Variants in NOL10 observed in about 807,000 individuals in gnomAD.
NOL10 encodes nucleolar protein 10, also known as H_NH0074G24.1.
A neutral mutation model predicts 103.5 loss-of-function variants in NOL10; 58 were observed. The observed-to-expected ratio is 0.56, with a 90% CI of 0.45 to 0.70. The LOEUF is 0.70. NOL10 is among the 30% of genes least tolerant of loss of function. The probability of loss-of-function intolerance (pLI) is 0.00; values close to 1 mark genes in which losing one functional copy is unlikely to be tolerated. For synonymous variants in NOL10, 287 were observed against 282.5 expected (o/e 1.02, Z -0.16); for missense variants, 763 against 807.3 (o/e 0.95, Z 0.67).
At chr2:10,615,949 A>G (rs535997093) in intron 13 of NOL10, among the ~76,000 whole-genome samples, 1 of 152,274 alleles carries the variant, frequency 6.6e-6, no homozygotes, top group Non-Finnish European at 1.5e-5. Flanking sequence ...CTGTGGGGCT[A>G]AAGTCAGGAC....
In NOL10 at chr2:10,587,098, C is replaced by CATATATACATATATAT. The variant is rs1450691017; in HGVS notation, c.1844+1944_1844+1945insATATATATGTATATAT. On this transcript the variant is annotated intron_variant, in intron 19 of 20. Transcript: ENST00000381685. ...ATATACATATATATACATATATATA[C>CATATATACATATATAT]ACATATATATACATATATATACATA... Among the ~76,000 whole-genome samples, 74 of 44,082 alleles carry CATATATACATATATAT rather than the reference C, an allele frequency of 1.7e-3. 20 individuals are homozygous for CATATATACATATATAT. Among genetic ancestry groups the CATATATACATATATAT allele is most frequent in the Non-Finnish European group, 2.2e-3 (59 of 26,814 alleles). 28.9% of individuals were successfully genotyped at this position (44,082 alleles called of 152,430 possible). A position where few individuals can be genotyped will look rare whatever the true frequency, so the allele number is the denominator to read the frequency against.
In NOL10 at chr2:10,689,901, A is replaced by C. The variant is rs1412181098; in HGVS notation, c.-40T>G. On this transcript the variant is annotated 5_prime_UTR_variant, in exon 1 of 21. Coordinates refer to ENST00000381685, the MANE Select transcript of NOL10 (RefSeq NM_024894.4). Reference sequence around the variant, plus strand: ...CTGTTCAAGTCCCGGGTCCTTTCCCACCAGCGTGCTCGAGCACCGTAATCC... The same window carrying C: ...CTGTTCAAGTCCCGGGTCCTTTCCCCCCAGCGTGCTCGAGCACCGTAATCC... 1 of 1,572,262 alleles carries C rather than the reference A, an allele frequency of 6.4e-7. No individual in the cohort carries two copies. The highest frequency in any genetic ancestry group is 1.8e-5 in the Admixed American group (1 of 54,246).
chr2:10,618,220 T>G (rs571739527), intron 13 of NOL10, among the ~76,000 whole-genome samples: 62 of 138,218 alleles, frequency 4.5e-4, no homozygotes, highest in African/African-American at 1.7e-3. Context: ...GGTATGTGTA[T>G]TATGTCTTTA....
intron 20 of NOL10, among the ~76,000 whole-genome samples, chr2:10,572,838 G>A (rs946897885): frequency 2.6e-5 from 4 of 152,200 alleles, no homozygotes; most frequent in South Asian, 2.1e-4. Flanking sequence ...GTGGACTCTC[G>A]GGCTGACTGC....
intron 13 of NOL10, among the ~76,000 whole-genome samples, chr2:10,631,663 C>T (rs1014105034): frequency 1.3e-5 from 2 of 151,966 alleles, no homozygotes; most frequent in Non-Finnish European, 2.9e-5. Context: ...AGAACTGATG[C>T]TAATCCTACT....
intron 17 of NOL10, among the ~76,000 whole-genome samples, chr2:10,595,341 G>C (rs62127162): frequency 1.5e-5 from 1 of 66,200 alleles, no homozygotes; most frequent in Non-Finnish European, 4.1e-5. Context: ...GTTTTTGACA[G>C]AGTCTCACTC....
At position 10,591,031 on chromosome 2, in the gene NOL10, T is replaced by C. The variant is rs181482531; in HGVS notation, c.1423-1280A>G. On this transcript the variant is annotated intron_variant, in intron 17 of 20. Coordinates refer to ENST00000381685, the MANE Select transcript of NOL10 (RefSeq NM_024894.4). ...TTGCAGGCAGTTGAGTTCTGAATATTATTTGTGTGACAGACCTATACAAAA... is the reference window on the plus strand; with the variant it reads ...TTGCAGGCAGTTGAGTTCTGAATATCATTTGTGTGACAGACCTATACAAAA... 6 of 152,342 alleles carry C rather than the reference T, an allele frequency of 3.9e-5. No homozygotes were observed. The East Asian group carries it at 1.2e-3, about 29-fold the overall frequency. The allele number at this position is 152,342 out of a possible 1,614,324, so 9.4% of individuals were successfully genotyped here.
intron 14 of NOL10, among the ~76,000 whole-genome samples, chr2:10,604,432 A>G (rs1215320433): frequency 1.3e-5 from 2 of 152,382 alleles, no homozygotes; most frequent in South Asian, 2.1e-4. Flanking sequence ...GGATATTCTC[A>G]TAACGGAATT....
Position 10,581,401 on chromosome 2 carries a change from CCAT to C in NOL10, c.1845-3666_1845-3664del, listed in dbSNP as rs1558266366. Among the ~76,000 whole-genome samples the C allele has an allele frequency of 6.1e-5, 6 of 97,730 alleles. No individual in the cohort carries two copies. The South Asian group carries it at 1.6e-3, about 26-fold the overall frequency. 64.1% of individuals were successfully genotyped at this position (97,730 alleles called of 152,430 possible). On this transcript the variant is annotated intron_variant, in intron 19 of 20. Coordinates refer to ENST00000381685, the MANE Select transcript of NOL10 (RefSeq NM_024894.4). ...AGAGAAAAAGCAGCAACCTCAACAC[CCAT>C]CGTCAGAGAACAACATACATCCCAG...
intron 3 of NOL10, among the ~76,000 whole-genome samples, chr2:10,679,971 T>C (rs1681615348): frequency 6.6e-6 from 1 of 151,862 alleles, no homozygotes; most frequent in African/African-American, 2.4e-5. Context: ...CGAGGCATTC[T>C]GAATAAGAAG....
chr2:10,674,857 A>C (rs1681197060), intron 4 of NOL10, among the ~76,000 whole-genome samples: 1 of 151,694 alleles, frequency 6.6e-6, no homozygotes, highest in Non-Finnish European at 1.5e-5. Context: ...ATAAGTAAAT[A>C]AATAAAAGCA....
intron 20 of NOL10, among the ~76,000 whole-genome samples, chr2:10,574,002 C>T (rs1487092990): frequency 7.1e-6 from 1 of 139,980 alleles, no homozygotes; most frequent in Non-Finnish European, 1.5e-5. Context: ...CAGTCCTGTG[C>T]TTACTGAAAC....
At chr2:10,689,377 T>C (rs1682450324) in intron 1 of NOL10, among the ~76,000 whole-genome samples, 1 of 152,188 alleles carries the variant, frequency 6.6e-6, no homozygotes, top group African/African-American at 2.4e-5. Flanking sequence ...TGTTCACTGT[T>C]GTATCCCTAA....
chr2:10,656,494 C>T (rs1432913049), intron 11 of NOL10, among the ~76,000 whole-genome samples: 1 of 152,200 alleles, frequency 6.6e-6, no homozygotes, highest in Non-Finnish European at 1.5e-5. Context: ...GGATGTAGAA[C>T]ACAGCTCTGG....
intron 4 of NOL10, among the ~76,000 whole-genome samples, chr2:10,675,166 G>A (rs947500567): frequency 5.3e-5 from 8 of 152,034 alleles, no homozygotes; most frequent in African/African-American, 1.7e-4. Flanking sequence ...TCATGCCACA[G>A]CACTCCAGCC....
At chr2:10,592,611 A>T (rs1381575301) in intron 17 of NOL10, among the ~76,000 whole-genome samples, 1 of 152,226 alleles carries the variant, frequency 6.6e-6, no homozygotes, top group Non-Finnish European at 1.5e-5. Context: ...GGTTAAAAAA[A>T]CCCAAGGGCA....
intron 2 of NOL10, among the ~76,000 whole-genome samples, chr2:10,684,304 C>A (rs374037088): frequency 6.7e-6 from 1 of 150,132 alleles, no homozygotes. Context: ...AGAAGAGCTG[C>A]GTACAGTGGC....
intron 17 of NOL10, among the ~76,000 whole-genome samples, chr2:10,597,713 G>A (rs558152693): frequency 1.2e-4 from 18 of 152,094 alleles, no homozygotes; most frequent in South Asian, 2.1e-4. Context: ...AGAAGATTAG[G>A]GGCACATTTT....
At position 10,589,104 on chromosome 2, in the gene NOL10, T is replaced by G. The variant is rs377586952; in HGVS notation, c.1783A>C (p.Ile595Leu). The change falls in exon 19 of 21, where the codon ATC (isoleucine) becomes CTC (leucine). Residue 595 changes from isoleucine to leucine, a missense_variant. By Grantham distance (5) the Ile-to-Leu change is conservative (BLOSUM62 2). Coordinates refer to ENST00000381685, the MANE Select transcript of NOL10 (RefSeq NM_024894.4). The part of the protein sequence containing the change: ...QTVLKPQFYE[I>L]KAGEEFRSFK... ...CTTCTAAATTCTTCTCCTGCTTTGA[T>G]CTCATAAAACTGGGGCTTTAGGACT... 6.2e-6 allele frequency: 10 copies of G among 1,613,924 alleles called. No individual in the cohort carries two copies. Among genetic ancestry groups the G allele is most frequent in the Non-Finnish European group, 8.5e-6 (10 of 1,179,908 alleles).
Sources: gnomAD v4.1 joint callset for allele counts (sites outside exome capture counted in the v4.1 genomes callset) on GRCh38, gnomAD v4.1.1 for gene constraint, MANE v1.5 for transcripts, NCBI Gene and HGNC (gene_info 2026-07-23, HGNC 2026-07-21) for gene names.